EDIL3: variants seen among roughly 807,000 people sequenced by gnomAD.
EDIL3 encodes the protein EGF like and discoidin domains 3.
Under a neutral mutation model 67.4 loss-of-function variants are expected in EDIL3, and 37 were observed. The ratio of observed to expected loss-of-function variants is 0.55; its 90% CI spans 0.42 to 0.72. The LOEUF is 0.72. EDIL3 is among the 30% of genes least tolerant of loss of function. The pLI, the probability that EDIL3 is intolerant of heterozygous loss-of-function variation, is 0.00. For missense variants in EDIL3, 527 were observed against 586.3 expected, an observed-to-expected ratio of 0.90 and a Z score of 1.04; for synonymous variants, 195 against 196.3, an observed-to-expected ratio of 0.99 and a Z score of 0.05.
At position 84,164,592 on chromosome 5, in the gene EDIL3, C is replaced by T. The variant is rs148277144; in HGVS notation, c.355+15801G>A. Among the ~76,000 whole-genome samples the T allele has an allele frequency of 5.3e-5, 8 of 152,080 alleles. No homozygotes were observed. The East Asian group carries it at 9.7e-4, about 18-fold the overall frequency. Reference sequence around the variant, plus strand: ...TGCAATGATCTCTGTTGCAATTCACCGTGGTGTTCTCTAGCGTTCTGCTTT... The same window carrying T: ...TGCAATGATCTCTGTTGCAATTCACTGTGGTGTTCTCTAGCGTTCTGCTTT... On this transcript the variant is annotated intron_variant, in intron 4 of 10. Transcript: ENST00000296591.
chr5:84,377,381 C>G (rs1747990620), intron 1 of EDIL3, among the ~76,000 whole-genome samples: 1 of 151,286 alleles, frequency 6.6e-6, no homozygotes, highest in Admixed American at 6.6e-5. Context: ...AGGTGGGAGA[C>G]TGCTCTACAT....
chr5:84,267,992 C>A (rs773479644), intron 1 of EDIL3, among the ~76,000 whole-genome samples: 32 of 152,076 alleles, frequency 2.1e-4, no homozygotes, highest in Admixed American at 8.5e-4. Flanking sequence ...AAAAAGTTAG[C>A]TGGGCATGGC....
At chr5:84,373,140 T>C (rs926641924) in intron 1 of EDIL3, among the ~76,000 whole-genome samples, 1 of 152,126 alleles carries the variant, frequency 6.6e-6, no homozygotes, top group Admixed American at 6.6e-5. Flanking sequence ...TCCTCTACCA[T>C]TCCTTAGTAT....
At chr5:84,193,740 C>A (rs912694095) in intron 3 of EDIL3, among the ~76,000 whole-genome samples, 2 of 151,882 alleles carry the variant, frequency 1.3e-5, no homozygotes, top group Non-Finnish European at 2.9e-5. Flanking sequence ...TATTAATGAA[C>A]AATTTAACAT....
At chr5:84,133,348 C>T (rs1054559351) in intron 5 of EDIL3, among the ~76,000 whole-genome samples, 9 of 151,198 alleles carry the variant, frequency 6.0e-5, no homozygotes, top group South Asian at 2.1e-4. Flanking sequence ...AGGGTCTGCG[C>T]GCAGTAGCTC....
chr5:84,233,455 C>T (rs1272328316), intron 2 of EDIL3, among the ~76,000 whole-genome samples: 1 of 152,192 alleles, frequency 6.6e-6, no homozygotes, highest in African/African-American at 2.4e-5. Flanking sequence ...AATTAGTAGG[C>T]TTACAGAAAA....
intron 3 of EDIL3, among the ~76,000 whole-genome samples, chr5:84,188,861 G>A (rs1743520660): frequency 6.6e-6 from 1 of 151,960 alleles, no homozygotes; most frequent in East Asian, 1.9e-4. Context: ...AGAACCGTGA[G>A]AAAACAAATT....
intron 3 of EDIL3, among the ~76,000 whole-genome samples, chr5:84,200,241 C>T (rs2112377252): frequency 6.6e-6 from 1 of 152,142 alleles, no homozygotes; most frequent in South Asian, 2.1e-4. Flanking sequence ...ACGTTGTGCA[C>T]ATGTACCCTA....
At chr5:84,050,978 C>T (rs1746325282) in intron 9 of EDIL3, among the ~76,000 whole-genome samples, 1 of 152,208 alleles carries the variant, frequency 6.6e-6, no homozygotes, top group African/African-American at 2.4e-5. Context: ...GTTCTCCCAG[C>T]ATGGACTTTG....
intron 5 of EDIL3, among the ~76,000 whole-genome samples, chr5:84,119,733 T>C (rs1228843184): frequency 1.3e-5 from 2 of 152,156 alleles, no homozygotes; most frequent in African/African-American, 4.8e-5. Flanking sequence ...AGTAATCTTA[T>C]CTTTAGGATA....
chr5:84,111,931 G>A (rs1288845694), intron 5 of EDIL3, among the ~76,000 whole-genome samples: 1 of 152,128 alleles, frequency 6.6e-6, no homozygotes, highest in Non-Finnish European at 1.5e-5. Flanking sequence ...TGGGGCTCTG[G>A]GAATGATTCC....
chr5:84,319,388 C>A (rs1237531947), intron 1 of EDIL3, among the ~76,000 whole-genome samples: 2 of 102,004 alleles, frequency 2.0e-5, no homozygotes, highest in African/African-American at 7.0e-5. Flanking sequence ...GGCGTGAACC[C>A]AGAAGGCGGA....
intron 10 of EDIL3, among the ~76,000 whole-genome samples, chr5:83,959,556 T>C (rs940215136): frequency 3.1e-4 from 47 of 150,696 alleles, no homozygotes; most frequent in African/African-American, 1.1e-3. Context: ...TGTTTTGCCC[T>C]GAAACATTCA....
chr5:84,136,991 C>A (rs1748102999), intron 5 of EDIL3, among the ~76,000 whole-genome samples: 2 of 152,060 alleles, frequency 1.3e-5, no homozygotes. Flanking sequence ...CATTTCTATG[C>A]ATATTGTGCA....
intron 1 of EDIL3, among the ~76,000 whole-genome samples, chr5:84,326,291 T>C (rs1282076915): frequency 2.6e-5 from 4 of 152,028 alleles, no homozygotes; most frequent in East Asian, 1.9e-4. Context: ...TATTCTGCTA[T>C]AGCAATATAA....
chr5:84,249,092 TTCTC>T (rs1187414821), intron 2 of EDIL3, among the ~76,000 whole-genome samples: 1 of 152,178 alleles, frequency 6.6e-6, no homozygotes, highest in Non-Finnish European at 1.5e-5. Context: ...ACCATGTCCC[TTCTC>T]TCTAAGTTTT....
chr5:84,131,731 A>G (rs1177842707), intron 5 of EDIL3, among the ~76,000 whole-genome samples: 1 of 152,184 alleles, frequency 6.6e-6, no homozygotes, highest in East Asian at 1.9e-4. Flanking sequence ...ATCAACATAC[A>G]TGAACTGGTG....
chr5:84,162,421 T>G (rs969148235), intron 4 of EDIL3, among the ~76,000 whole-genome samples: 3 of 152,118 alleles, frequency 2.0e-5, no homozygotes, highest in African/African-American at 7.2e-5. Flanking sequence ...CTCTAGTTTC[T>G]TTTGACATCT....
At position 84,199,490 on chromosome 5, in the gene EDIL3, G is replaced by A. The variant is rs567908714; in HGVS notation, c.227-18969C>T. Among the ~76,000 whole-genome samples, 134 of 151,850 alleles carry A rather than the reference G, an allele frequency of 8.8e-4. 1 individual carries two copies. The highest frequency in any genetic ancestry group is 3.2e-3 in the African/African-American group (132 of 41,356). On this transcript the variant is annotated intron_variant, in intron 3 of 10. Transcript: ENST00000296591. ...ACTATTAACCAAAAGCAGGAGCTCTGTAATGGAAGAATTGAATTAAGATGC... is the reference window on the plus strand; with the variant it reads ...ACTATTAACCAAAAGCAGGAGCTCTATAATGGAAGAATTGAATTAAGATGC...
Sources: gnomAD v4.1 joint callset for allele counts (sites outside exome capture counted in the v4.1 genomes callset) on GRCh38, gnomAD v4.1.1 for gene constraint, MANE v1.5 for transcripts, NCBI Gene and HGNC (gene_info 2026-07-23, HGNC 2026-07-21) for gene names.